EPHX3: variants seen among roughly 807,000 people sequenced by gnomAD.
The protein encoded by EPHX3 is epoxide hydrolase 3.
A neutral mutation model predicts 40.2 loss-of-function variants in EPHX3; 39 were observed. The ratio of observed to expected loss-of-function variants is 0.97; its 90% CI spans 0.75 to 1.27. The LOEUF is 1.27. EPHX3 is among the 50% of genes most tolerant of loss of function. The pLI is 0.00. For missense variants in EPHX3, 442 were observed against 474.0 expected (o/e 0.93, Z 0.63); for synonymous variants, 213 against 209.7 (o/e 1.02, Z -0.14).
chr19:15,234,114 G>C (rs977223485), upstream of EPHX3, among the ~76,000 whole-genome samples: 22 of 150,856 alleles, frequency 1.5e-4, no homozygotes, highest in African/African-American at 5.4e-4. Flanking sequence ...ACCTTCTCCC[G>C]ATATCCTTGA....
At chr19:15,228,205 T>C (rs2047127865) in intron 4 of EPHX3, 105 bp from the exon 5 acceptor site, 2 of 846,208 alleles carry the variant, frequency 2.4e-6, no homozygotes, top group Non-Finnish European at 1.9e-6. Context: ...GCCTCAGGAA[T>C]GCCACTGCTG....
chr19:15,229,620 CG>C (rs1568371608), intron 4 of EPHX3, among the ~76,000 whole-genome samples: 1 of 146,416 alleles, frequency 6.8e-6, no homozygotes, highest in African/African-American at 2.5e-5. Flanking sequence ...AGGGGCCAGG[CG>C]TGGTGGCTCA....
At chr19:15,232,532 G>A (rs1325826896), upstream of EPHX3, 11 of 890,692 alleles carry the variant, frequency 1.2e-5, no homozygotes, top group Non-Finnish European at 1.6e-5. Flanking sequence ...GGGGCTTAGG[G>A]CCGGGGCGGG....
rs371241833 is a variant in EPHX3, at chr19:15,232,000, G to A, written c.212C>T (p.Ser71Leu). ...SASPACLSDP[S>L]LGEHGFLNLK... ...GTTCAGGAAACCGTGCTCACCCAGCGAGGGGTCGCTCAGGCAGGCGGGGGA... is the reference window on the plus strand; with the variant it reads ...GTTCAGGAAACCGTGCTCACCCAGCAAGGGGTCGCTCAGGCAGGCGGGGGA... The change falls in exon 1 of 7, where the codon TCG becomes TTG. Residue 71 changes from serine (S) to leucine (L), a missense_variant. Transcript: ENST00000221730. 3.5e-5 allele frequency: 56 copies of A among 1,608,164 alleles called. No individual in the cohort carries two copies. The African/African-American group carries it at 6.9e-4, about 20-fold the overall frequency.
chr19:15,232,514 T>C, upstream of EPHX3: 1 of 1,059,006 alleles, frequency 9.4e-7, no homozygotes. Flanking sequence ...GCCTAGCAGG[T>C]CCTGTGCGGG....
chr19:15,229,169 C>A (rs1477147067), intron 4 of EPHX3, among the ~76,000 whole-genome samples: 2 of 151,960 alleles, frequency 1.3e-5, no homozygotes, highest in Non-Finnish European at 1.5e-5. Flanking sequence ...CACTTGAGAT[C>A]AGGAGTTAGA....
At chr19:15,227,687 C>A in intron 6 of EPHX3, 25 bp from the exon 7 acceptor site, 1 of 1,612,136 alleles carries the variant, frequency 6.2e-7, no homozygotes, top group Non-Finnish European at 8.5e-7. Context: ...GACAGACAGG[C>A]AGACAGACAG....
In EPHX3 at chr19:15,232,110, C is replaced by T. The variant is rs1486709926; in HGVS notation, c.102G>A (p.Val34=). 1 of 1,500,672 alleles carries T rather than the reference C, an allele frequency of 6.7e-7. No individual in the cohort carries two copies. The highest frequency in any genetic ancestry group is 8.8e-7 in the Non-Finnish European group (1 of 1,131,704). 93.0% of individuals were successfully genotyped at this position (1,500,672 alleles called of 1,614,324 possible). A position where few individuals can be genotyped will look rare whatever the true frequency, so the allele number is the denominator to read the frequency against. Residue 34 remains valine (V), a synonymous_variant, in exon 1 of 7, where the codon GTG becomes GTA. Coordinates refer to ENST00000221730, the MANE Select transcript of EPHX3 (RefSeq NM_024794.3). ...CTATGCAGCCGTAGACCGCCGCGGCCACCAGCGCCACCGAGAACACCAGGC... is the reference window on the plus strand; with the variant it reads ...CTATGCAGCCGTAGACCGCCGCGGCTACCAGCGCCACCGAGAACACCAGGC... The part of the protein sequence containing the change: ...MWSLVFSVAL[V]AAAVYGCIAL...
In EPHX3 at chr19:15,231,253, A is replaced by G; in HGVS notation, c.473T>C (p.Val158Ala). The change falls in exon 3 of 7, where the codon GTC becomes GCC. Residue 158 changes from valine (V) to alanine (A), a missense_variant. Coordinates refer to ENST00000221730, the MANE Select transcript of EPHX3 (RefSeq NM_024794.3). The stretch of plus-strand genomic sequence containing the variant: ...TATGTCTGCACCCAGGCCTAGGATG[A>G]CATCTTTGATGTCCACCAGCAGCAG... ...IDLLLVDIKD[V>A]ILGLGYSKCI... is the part of the protein sequence containing the mutation. The G allele has an allele frequency of 6.2e-7, 1 of 1,613,982 alleles. No individual in the cohort carries two copies. The highest frequency in any genetic ancestry group is 8.5e-7 in the Non-Finnish European group (1 of 1,179,986).
chr19:15,227,335 C>T lies in EPHX3; in HGVS notation c.*102G>A, dbSNP rs2047118993. On this transcript the variant is annotated 3_prime_UTR_variant, in exon 7 of 7. Coordinates refer to ENST00000221730, the MANE Select transcript of EPHX3 (RefSeq NM_024794.3). ...CATGCCTATGAGCGATTCAAGAGTT[C>T]ACCCATGTATGGACATTGTATGGAC... 1.0e-6 allele frequency: 1 copy of T among 974,510 alleles called. No individual in the cohort carries two copies. Among genetic ancestry groups the T allele is most frequent in the Non-Finnish European group, 1.6e-6 (1 of 632,412 alleles). The allele number at this position is 974,510 out of a possible 1,614,324, so 60.4% of individuals were successfully genotyped here. A position where few individuals can be genotyped will look rare whatever the true frequency, so the allele number is the denominator to read the frequency against.
At position 15,232,383 on chromosome 19, in the gene EPHX3, C is replaced by T. The variant is rs2047162493; in HGVS notation, c.-172G>A. 1 of 1,373,830 alleles carries T rather than the reference C, an allele frequency of 7.3e-7. No homozygotes were observed. Among genetic ancestry groups the T allele is most frequent in the African/African-American group, 1.6e-5 (1 of 64,486 alleles). The allele number at this position is 1,373,830 out of a possible 1,614,324, so 85.1% of individuals were successfully genotyped here. A position where few individuals can be genotyped will look rare whatever the true frequency, so the allele number is the denominator to read the frequency against. Reference sequence around the variant, plus strand: ...GCGGGCGGCTCCGACAGAAAACAGCCAGAGCGCACCACTCACCTGAGTGCC... The same window carrying T: ...GCGGGCGGCTCCGACAGAAAACAGCTAGAGCGCACCACTCACCTGAGTGCC... On this transcript the variant is annotated 5_prime_UTR_variant, in exon 1 of 7. Transcript: ENST00000221730.
At chr19:15,229,617 A>G (rs1175015158) in intron 4 of EPHX3, among the ~76,000 whole-genome samples, 3 of 148,474 alleles carry the variant, frequency 2.0e-5, no homozygotes, top group South Asian at 2.1e-4. Flanking sequence ...AAAAGGGGCC[A>G]GGCGTGGTGG....
chr19:15,229,907 AAAAAG>A (rs1555733374), intron 4 of EPHX3, among the ~76,000 whole-genome samples: 33 of 140,216 alleles, frequency 2.4e-4, no homozygotes, highest in East Asian at 8.2e-4. Context: ...AAAAAAAAAA[AAAAAG>A]AAAAGAAAAG....
intron 4 of EPHX3, among the ~76,000 whole-genome samples, chr19:15,229,074 G>C (rs2047133975): frequency 6.6e-6 from 1 of 152,140 alleles, no homozygotes; most frequent in South Asian, 2.1e-4. Flanking sequence ...TCTAGATGGG[G>C]AGACAGACAA....
chr19:15,234,432 G>A (rs573783776), upstream of EPHX3, among the ~76,000 whole-genome samples: 122 of 151,966 alleles, frequency 8.0e-4, no homozygotes, highest in African/African-American at 2.9e-3. Flanking sequence ...ACTACAACCT[G>A]TAGTTGGGAC....
Position 15,231,387 on chromosome 19 carries a change from C to G in EPHX3, c.339G>C (p.Trp113Cys). ...LHGFPENWFS[W>C]RYQLREFQSR... ...TCTGGAACTCCCGGAGCTGGTAACG[C>G]CAGGAGAACCTGCCAGGCGGGCGAG... Residue 113 changes from tryptophan to cysteine, a missense_variant, in exon 3 of 7, where the codon TGG becomes TGC. Trp to Cys is a radical substitution (Grantham distance 215). Transcript: ENST00000221730. 6.2e-7 allele frequency: 1 copy of G among 1,613,590 alleles called. No individual in the cohort carries two copies. The highest frequency in any genetic ancestry group is 8.5e-7 in the Non-Finnish European group (1 of 1,179,904).
rs1223399583 is a variant in EPHX3, at chr19:15,232,069, A to G, written c.143T>C (p.Leu48Pro). The G allele has an allele frequency of 5.7e-6, 9 of 1,572,396 alleles. No homozygotes were observed. The highest frequency in any genetic ancestry group is 7.7e-6 in the Non-Finnish European group (9 of 1,165,964). Residue 48 changes from leucine to proline, a missense_variant, in exon 1 of 7, where the codon CTG becomes CCG. Coordinates refer to ENST00000221730, the MANE Select transcript of EPHX3 (RefSeq NM_024794.3). ...GCAGCAGCCGCGCCGGGGCCGGCAC[A>G]GCACGTGCGTGAGCGCTATGCAGCC... ...VYGCIALTHV[L>P]CRPRRGCCGR...
At position 15,228,015 on chromosome 19, in the gene EPHX3, C is replaced by A; in HGVS notation, c.702G>T (p.Leu234=). Residue 234 remains leucine, a synonymous_variant, in exon 5 of 7, where the codon CTG becomes CTT. Coordinates refer to ENST00000221730, the MANE Select transcript of EPHX3 (RefSeq NM_024794.3). ...FQLPWLPEKL[L]SMSDFQILKT... is the part of the protein sequence containing the mutation. ...TCTGTACCTGAAAGTCAGACATAGA[C>A]AGCAGCTTCTCGGGCAGCCAGGGCA... The A allele has an allele frequency of 6.2e-7, 1 of 1,613,664 alleles. No individual in the cohort carries two copies. Among genetic ancestry groups the A allele is most frequent in the Admixed American group, 1.7e-5 (1 of 59,924 alleles).
In EPHX3 at chr19:15,231,739, A is replaced by T. The variant is rs569313346; in HGVS notation, c.329+37T>A. 3.7e-6 allele frequency: 6 copies of T among 1,605,698 alleles called. No homozygotes were observed. In the East Asian group the frequency reaches 6.7e-5, roughly 18 times the overall value. Reference sequence around the variant, plus strand: ...GGAGCCCAAGCTCCACCTGCCCCCGAGTCCCGTGGGCCTCAGGCCCCTGGC... The same window carrying T: ...GGAGCCCAAGCTCCACCTGCCCCCGTGTCCCGTGGGCCTCAGGCCCCTGGC... On this transcript the variant is annotated intron_variant, in intron 2 of 6. Coordinates refer to ENST00000221730, the MANE Select transcript of EPHX3 (RefSeq NM_024794.3).
Sources: gnomAD v4.1 joint callset for allele counts (sites outside exome capture counted in the v4.1 genomes callset) on GRCh38, gnomAD v4.1.1 for gene constraint, MANE v1.5 for transcripts, NCBI Gene and HGNC (gene_info 2026-07-23, HGNC 2026-07-21) for gene names.